The following TUBGCP2 variants were observed in gnomAD, a reference collection of about 807,000 sequenced individuals.
The protein encoded by TUBGCP2 is gamma-tubulin complex component 2.
TUBGCP2 carries 55 observed loss-of-function variants against 92.2 expected under a neutral mutation model. The ratio of observed to expected loss-of-function variants is 0.60; its 90% CI spans 0.48 to 0.75. The LOEUF is 0.75. TUBGCP2 is among the 30% of genes least tolerant of loss of function. The pLI, the probability that TUBGCP2 is intolerant of heterozygous loss-of-function variation, is 0.00. For missense variants in TUBGCP2, 1,093 were observed against 1,188.9 expected (o/e 0.92, Z 1.19); for synonymous variants, 533 against 505.2 (o/e 1.06, Z -0.74).
intron 17 of TUBGCP2, among the ~76,000 whole-genome samples, chr10:133,280,390 G>T (rs374262982): frequency 6.6e-6 from 1 of 150,976 alleles, no homozygotes; most frequent in East Asian, 1.9e-4. Flanking sequence ...TTTGTGGGGG[G>T]CACAGGGCAC....
chr10:133,310,109 A>G (rs1847955083), upstream of TUBGCP2: 20 of 1,612,120 alleles, frequency 1.2e-5, no homozygotes, highest in Middle Eastern at 1.9e-4. Flanking sequence ...CTACGGGGGC[A>G]TGGCGGTGGG....
chr10:133,300,928 T>C (rs1050837440), intron 2 of TUBGCP2, among the ~76,000 whole-genome samples: 2 of 151,164 alleles, frequency 1.3e-5, no homozygotes, highest in African/African-American at 4.9e-5. Context: ...CAGTAGTTTA[T>C]GCGTTCATTG....
chr10:133,298,501 T>C (rs903405656), intron 4 of TUBGCP2, among the ~76,000 whole-genome samples: 3 of 152,222 alleles, frequency 2.0e-5, no homozygotes, highest in Admixed American at 2.0e-4. Flanking sequence ...TGAACACCAC[T>C]TGATGGGTGA....
At chr10:133,310,615 G>A (rs1019282029), upstream of TUBGCP2, 19 of 353,460 alleles carry the variant, frequency 5.4e-5, no homozygotes, top group South Asian at 8.2e-5. Context: ...GCAGTCGGCC[G>A]TGGTCATCCG....
chr10:133,287,459 CG>C (rs946043304), intron 11 of TUBGCP2, among the ~76,000 whole-genome samples: 1 of 152,046 alleles, frequency 6.6e-6, no homozygotes, highest in Admixed American at 6.6e-5. Context: ...TTTTAAAAAA[CG>C]GCTGGGCACG....
rs550122291 is a variant in TUBGCP2, at chr10:133,303,688, C to T, written c.-39-708G>A. ...TCAGCCGCAGCTCCATTCACTTGGC[C>T]GGCTCTGCGTTACTTTTTCACTCTG... On this transcript the variant is annotated intron_variant, in intron 1 of 17. Transcript: ENST00000252936. 2.0e-4 allele frequency among the ~76,000 whole-genome samples: 30 copies of T among 152,332 alleles called. No individual in the cohort carries two copies. In the South Asian group the frequency reaches 2.1e-3, roughly 11 times the overall value.
At chr10:133,282,420 G>C in intron 15 of TUBGCP2, 78 bp from the exon 16 acceptor site, 1 of 1,500,416 alleles carries the variant, frequency 6.7e-7, no homozygotes, top group Non-Finnish European at 8.9e-7. Flanking sequence ...AGTCCTGCAG[G>C]CACGTCACCC....
At chr10:133,305,951 GCTT>G (rs1252194038) in intron 1 of TUBGCP2, among the ~76,000 whole-genome samples, 20 of 152,246 alleles carry the variant, frequency 1.3e-4, no homozygotes, top group African/African-American at 4.8e-4. Context: ...TCCTCTCCAA[GCTT>G]CTTCTGAAAA....
intron 1 of TUBGCP2, among the ~76,000 whole-genome samples, chr10:133,305,116 CCTGA>C (rs1488134204): frequency 1.3e-5 from 2 of 152,172 alleles, no homozygotes; most frequent in Non-Finnish European, 2.9e-5. Flanking sequence ...TATCCGGAGG[CCTGA>C]CTGTCTCCCT....
chr10:133,283,764 T>TTCCCTGCCTCTCCTGCAC lies in TUBGCP2; in HGVS notation c.2145+100_2145+117dup. ...CCTGCACTCCCTGCGTCTCCCTGCATTCCCTGCCTCTCCTGCACTCCCTGC... is the reference window on the plus strand; with the variant it reads ...CCTGCACTCCCTGCGTCTCCCTGCATTCCCTGCCTCTCCTGCACTCCCTGCCTCTCCTGCACTCCCTGC... On this transcript the variant is annotated intron_variant, in intron 14 of 17. Transcript: ENST00000252936. 8.2e-6 allele frequency: 11 copies of TTCCCTGCCTCTCCTGCAC among 1,347,398 alleles called. 1 individual carries two copies. The African/African-American group carries it at 1.0e-4, about 12-fold the overall frequency. 83.5% of individuals were successfully genotyped at this position (1,347,398 alleles called of 1,614,324 possible).
chr10:133,307,260 GTCC>G (rs1270516359), intron 1 of TUBGCP2, among the ~76,000 whole-genome samples: 4 of 152,158 alleles, frequency 2.6e-5, no homozygotes, highest in African/African-American at 7.2e-5. Context: ...AGGGACTGAC[GTCC>G]TCCTCACAGA....
At chr10:133,283,723 C>CT (rs1396628949) in intron 14 of TUBGCP2, among the ~76,000 whole-genome samples, 159 bp downstream of exon 14, 1 of 139,648 alleles carries the variant, frequency 7.2e-6, no homozygotes, top group South Asian at 2.2e-4. Context: ...CTGCCTCTCC[C>CT]GCACTCCCTG....
At position 133,287,445 on chromosome 10, in the gene TUBGCP2, T is replaced by C. The variant is rs139562086; in HGVS notation, c.1722+684A>G. ...TAGTAAAAAACAGATAAAACATATA[T>C]ATATTTTAAAAAACGGCTGGGCACG... On this transcript the variant is annotated intron_variant, in intron 11 of 17. Coordinates refer to ENST00000252936, the MANE Select transcript of TUBGCP2 (RefSeq NM_006659.4). Among the ~76,000 whole-genome samples, 407 of 152,120 alleles carry C rather than the reference T, an allele frequency of 2.7e-3. 1 individual carries two copies. The highest frequency in any genetic ancestry group is 4.6e-3 in the Non-Finnish European group (310 of 67,996).
chr10:133,302,703 C>A, intron 2 of TUBGCP2, 89 bp downstream of exon 2: 2 of 1,564,954 alleles, frequency 1.3e-6, no homozygotes, highest in Non-Finnish European at 1.7e-6. Flanking sequence ...TCACCCTGCA[C>A]CCTGACCCAG....
In TUBGCP2 at chr10:133,292,609, C is replaced by G. The variant is rs749333452; in HGVS notation, c.1104G>C (p.Gly368=). 2.5e-6 allele frequency: 4 copies of G among 1,614,162 alleles called. No homozygotes were observed. The highest frequency in any genetic ancestry group is 2.5e-6 in the Non-Finnish European group (3 of 1,180,026). ...GGCATAGCTCCTGCGCCTGGCTGTC[C>G]CCTGTGTAGCTGAAGCTCCTGTCGT... ...LLHDRSFSYT[G]DSQAQELCLY... is the part of the protein sequence containing the mutation. Residue 368 remains glycine, a synonymous_variant, in exon 8 of 18, where the codon GGG becomes GGC. Transcript: ENST00000252936.
upstream of TUBGCP2, chr10:133,309,077 G>A (rs1847917053): frequency 7.7e-7 from 1 of 1,301,482 alleles, no homozygotes; most frequent in Non-Finnish European, 9.8e-7. Context: ...CGCTTCCCGC[G>A]GGAGCACCAG....
chr10:133,289,108 G>A (rs764820874), intron 9 of TUBGCP2, 88 bp from the exon 10 acceptor site: 298 of 1,457,818 alleles, frequency 2.0e-4, no homozygotes, highest in Non-Finnish European at 2.5e-4. Context: ...GCAGTGGAAT[G>A]GACATTGAAT....
chr10:133,297,870 C>A, intron 5 of TUBGCP2, 82 bp downstream of exon 5: 1 of 1,570,628 alleles, frequency 6.4e-7, no homozygotes, highest in Non-Finnish European at 8.7e-7. Context: ...GAAATAAACA[C>A]ATGACATACC....
chr10:133,298,089 ATCTT>A lies in TUBGCP2; in HGVS notation c.475_478del (p.Lys159CysfsTer28). On this transcript the variant is annotated frameshift_variant, in exon 5 of 18. Coordinates refer to ENST00000252936, the MANE Select transcript of TUBGCP2 (RefSeq NM_006659.4). LOFTEE classifies it high-confidence loss of function. ...TTTTTTGTTCTGCTTGTCTCGAAGC[ATCTT>A]TCTTTTAAGTTCCAGAGACTAGCAA... is the stretch of plus-strand genomic sequence containing the variant. The A allele has an allele frequency of 6.2e-7, 1 of 1,614,074 alleles. No homozygotes were observed. The highest frequency in any genetic ancestry group is 8.5e-7 in the Non-Finnish European group (1 of 1,180,004).
Sources: allele counts gnomAD v4.1 joint callset (sites outside exome capture counted in the v4.1 genomes callset), GRCh38; gene constraint gnomAD v4.1.1; transcripts MANE v1.5; gene names NCBI Gene and HGNC (gene_info 2026-07-23, HGNC 2026-07-21).